UHRF2: variants seen among roughly 807,000 people sequenced by gnomAD.
The protein encoded by UHRF2 is E3 ubiquitin-protein ligase UHRF2.
Under a neutral mutation model 96.8 loss-of-function variants are expected in UHRF2, and 23 were observed. That is an observed-to-expected ratio of 0.24 (90% CI 0.17 to 0.34). The LOEUF (loss-of-function observed/expected upper bound fraction) is 0.34, where lower values mean the gene tolerates loss of function less well. UHRF2 is among the 10% of genes least tolerant of loss of function. The pLI is 1.00. For synonymous variants in UHRF2, 385 were observed against 332.6 expected, an observed-to-expected ratio of 1.16 and a Z score of -1.72; for missense variants, 685 against 981.5, an observed-to-expected ratio of 0.70 and a Z score of 4.04.
chr9:6,468,317 C>CT (rs1823001173), intron 4 of UHRF2: 1 of 394,524 alleles, frequency 2.5e-6, no homozygotes, highest in Non-Finnish European at 5.1e-6. Flanking sequence ...TATTGAATCA[C>CT]TTAAAGTAGT....
intron 4 of UHRF2, among the ~76,000 whole-genome samples, chr9:6,465,308 C>T (rs1177696346): frequency 6.6e-6 from 1 of 152,126 alleles, no homozygotes; most frequent in Non-Finnish European, 1.5e-5. Flanking sequence ...ATCTCAGTGT[C>T]CTTCACGGAT....
At chr9:6,458,085 C>G (rs1822295366) in intron 3 of UHRF2, among the ~76,000 whole-genome samples, 1 of 152,116 alleles carries the variant, frequency 6.6e-6, no homozygotes. Flanking sequence ...AGAAATGGTA[C>G]CCACCTCCTC....
At chr9:6,432,450 A>C (rs993631420) in intron 2 of UHRF2, among the ~76,000 whole-genome samples, 4 of 152,154 alleles carry the variant, frequency 2.6e-5, no homozygotes, top group African/African-American at 9.7e-5. Context: ...CATTTATATC[A>C]AGGTTCATGG....
intron 4 of UHRF2, among the ~76,000 whole-genome samples, chr9:6,469,091 A>G (rs1394322406): frequency 6.6e-6 from 1 of 152,250 alleles, no homozygotes; most frequent in East Asian, 1.9e-4. Flanking sequence ...GTTATCAGAG[A>G]AACTTTCAAG....
In UHRF2 at chr9:6,486,880, T is replaced by C; in HGVS notation, c.1452T>C (p.Asp484=). Residue 484 remains aspartate, a synonymous_variant, in exon 9 of 16, where the codon GAT becomes GAC. Transcript: ENST00000276893. The part of the protein sequence containing the change: ...HVGGIHGRSN[D]GAYSLVLAGG... Reference sequence around the variant, plus strand: ...GTGGAATTCATGGTCGAAGTAATGATGGGGCTTATTCTCTTGTACTGGCTG... The same window carrying C: ...GTGGAATTCATGGTCGAAGTAATGACGGGGCTTATTCTCTTGTACTGGCTG... The C allele has an allele frequency of 6.2e-7, 1 of 1,614,184 alleles. No individual in the cohort carries two copies.
chr9:6,446,241 C>T (rs1398314803), intron 3 of UHRF2, among the ~76,000 whole-genome samples: 1 of 151,898 alleles, frequency 6.6e-6, no homozygotes, highest in Non-Finnish European at 1.5e-5. Flanking sequence ...ACCTCCGCCT[C>T]CCAGGTTCAA....
intron 3 of UHRF2, among the ~76,000 whole-genome samples, chr9:6,451,541 A>G (rs1204910821): frequency 1.3e-5 from 2 of 150,388 alleles, no homozygotes; most frequent in Non-Finnish European, 2.9e-5. Flanking sequence ...CAGTGGCGCG[A>G]TCTCGGCTCA....
intron 3 of UHRF2, among the ~76,000 whole-genome samples, chr9:6,436,778 C>T (rs2130777539): frequency 6.6e-6 from 1 of 152,156 alleles, no homozygotes; most frequent in African/African-American, 2.4e-5. Flanking sequence ...CTTTTTTTGT[C>T]AGTTAGAATG....
chr9:6,442,670 G>A (rs1044942975), intron 3 of UHRF2, among the ~76,000 whole-genome samples: 13 of 150,838 alleles, frequency 8.6e-5, no homozygotes, highest in African/African-American at 2.9e-4. Flanking sequence ...TTTTTTTGGG[G>A]GGGTAGAGAT....
chr9:6,474,163 AT>A (rs573244898), intron 4 of UHRF2, among the ~76,000 whole-genome samples: 1 of 152,220 alleles, frequency 6.6e-6, no homozygotes, highest in South Asian at 2.1e-4. Flanking sequence ...GTCTTCTGTC[AT>A]TGGTGGTCAC....
chr9:6,473,982 G>C (rs1187896961), intron 4 of UHRF2, among the ~76,000 whole-genome samples: 10 of 152,190 alleles, frequency 6.6e-5, no homozygotes, highest in Non-Finnish European at 1.2e-4. Context: ...AAGGAGGAAA[G>C]AGATGGCATG....
intron 15 of UHRF2, among the ~76,000 whole-genome samples, chr9:6,505,408 G>A (rs1816531223): frequency 6.6e-6 from 1 of 152,068 alleles, no homozygotes; most frequent in Non-Finnish European, 1.5e-5. Flanking sequence ...CAAGTCTCCT[G>A]TCTCAGCCTG....
At chr9:6,415,195 T>C (rs1047671253) in intron 1 of UHRF2, 3 of 152,168 alleles carry the variant, frequency 2.0e-5, no homozygotes, top group Non-Finnish European at 4.4e-5. Context: ...TTATCACATA[T>C]GGGATTGGGT....
At chr9:6,421,980 C>T (rs539330844) in intron 2 of UHRF2, among the ~76,000 whole-genome samples, 8 of 152,002 alleles carry the variant, frequency 5.3e-5, no homozygotes, top group East Asian at 1.9e-4. Context: ...ATTAACATAC[C>T]GCGGTATATT....
chr9:6,431,633 G>T (rs1331722321), intron 2 of UHRF2, among the ~76,000 whole-genome samples: 1 of 152,112 alleles, frequency 6.6e-6, no homozygotes, highest in Non-Finnish European at 1.5e-5. Flanking sequence ...TATATTCAAA[G>T]AATGCCCTAC....
chr9:6,500,456 C>A, intron 13 of UHRF2, 96 bp from the exon 14 acceptor site: 1 of 1,062,810 alleles, frequency 9.4e-7, no homozygotes, highest in Non-Finnish European at 1.3e-6. Context: ...GGTTATCTTT[C>A]TGCTAAACAT....
At position 6,413,515 on chromosome 9, in the gene UHRF2, G is replaced by A; in HGVS notation, c.25G>A (p.Asp9Asn). 1 of 1,583,676 alleles carries A rather than the reference G, an allele frequency of 6.3e-7. No homozygotes were observed. Among genetic ancestry groups the A allele is most frequent in the South Asian group, 1.1e-5 (1 of 87,996 alleles). ...GATGTGGATACAGGTTCGCACCATT[G>A]ATGGCTCCAAGACGTGCACCATTGA... MWIQVRTIDGSKTCTIEDV... is the reference protein window; with the variant it reads MWIQVRTINGSKTCTIEDV... Residue 9 changes from aspartate (D) to asparagine (N), a missense_variant, in exon 1 of 16, where the codon GAT becomes AAT. Physicochemically the swap from Asp to Asn is conservative, Grantham distance 23 (BLOSUM62 1). Coordinates refer to ENST00000276893, the MANE Select transcript of UHRF2 (RefSeq NM_152896.3).
chr9:6,464,271 T>C (rs1417720955), intron 4 of UHRF2, among the ~76,000 whole-genome samples: 1 of 152,222 alleles, frequency 6.6e-6, no homozygotes, highest in African/African-American at 2.4e-5. Flanking sequence ...TTGGTGACTT[T>C]TTTTGTTGTT....
At chr9:6,489,490 C>G (rs1342876843) in intron 9 of UHRF2, among the ~76,000 whole-genome samples, 3 of 152,182 alleles carry the variant, frequency 2.0e-5, no homozygotes, top group Non-Finnish European at 4.4e-5. Context: ...AAGAAACTGC[C>G]AAACTGTTTT....
Sources: allele counts gnomAD v4.1 joint callset (sites outside exome capture counted in the v4.1 genomes callset), GRCh38; gene constraint gnomAD v4.1.1; transcripts MANE v1.5; gene names NCBI Gene and HGNC (gene_info 2026-07-23, HGNC 2026-07-21).